SLC4A7: variants seen among roughly 807,000 people sequenced by gnomAD.
The protein encoded by SLC4A7 is sodium bicarbonate cotransporter 3.
A neutral mutation model predicts 137.6 loss-of-function variants in SLC4A7; 51 were observed. The ratio of observed to expected loss-of-function variants is 0.37; its 90% CI spans 0.30 to 0.47. The LOEUF is 0.47. Among genes scored for constraint, SLC4A7 ranks in the 20% least tolerant of loss-of-function variants. The pLI, the probability that SLC4A7 is intolerant of heterozygous loss-of-function variation, is 1.00. For missense variants in SLC4A7, 1,247 were observed against 1,525.4 expected, an observed-to-expected ratio of 0.82 and a Z score of 3.04; for synonymous variants, 542 against 518.6, an observed-to-expected ratio of 1.05 and a Z score of -0.61.
intron 1 of SLC4A7, among the ~76,000 whole-genome samples, chr3:27,479,635 T>C (rs1469974166): frequency 1.3e-5 from 2 of 152,152 alleles, no homozygotes; most frequent in Non-Finnish European, 2.9e-5. Flanking sequence ...ACCATTATAA[T>C]TGCAAATAGT....
At chr3:27,378,664 A>G (rs1402031097) in intron 25 of SLC4A7, among the ~76,000 whole-genome samples, 3 of 152,220 alleles carry the variant, frequency 2.0e-5, no homozygotes, top group Admixed American at 6.5e-5. Flanking sequence ...TTTCTTCCAA[A>G]TATCTCCAAG....
In SLC4A7 at chr3:27,397,704, G is replaced by A. The variant is rs777091658; in HGVS notation, c.2683C>T (p.His895Tyr). 3.8e-6 allele frequency: 6 copies of A among 1,595,688 alleles called. No homozygotes were observed. The East Asian group carries it at 9.0e-5, about 24-fold the overall frequency. ...YLVGVPSPKL[H>Y]VPEKFEPTHP... ...CTTACCTCAAATTTTTCAGGAACATGAAGTTTAGGAGATGGAACTCCTACA... is the reference window on the plus strand; with the variant it reads ...CTTACCTCAAATTTTTCAGGAACATAAAGTTTAGGAGATGGAACTCCTACA... The change falls in exon 18 of 26, where the codon CAT (histidine) becomes TAT (tyrosine). Residue 895 changes from histidine to tyrosine, a missense_variant. By Grantham distance (83) the His-to-Tyr change is moderately conservative. Transcript: ENST00000454389.
chr3:27,473,194 G>A (rs950914771), intron 1 of SLC4A7, among the ~76,000 whole-genome samples: 2 of 152,054 alleles, frequency 1.3e-5, no homozygotes, highest in Admixed American at 6.6e-5. Flanking sequence ...AGCTACTTAG[G>A]TGGCTGAGGC....
intron 10 of SLC4A7, among the ~76,000 whole-genome samples, chr3:27,420,195 A>C (rs1372973827): frequency 6.6e-6 from 1 of 151,954 alleles, no homozygotes; most frequent in Non-Finnish European, 1.5e-5. Flanking sequence ...GAAAAAGAAA[A>C]AGAAAAATTA....
chr3:27,453,976 G>A (rs1194714100), intron 1 of SLC4A7, among the ~76,000 whole-genome samples: 2 of 152,044 alleles, frequency 1.3e-5, no homozygotes, highest in African/African-American at 4.8e-5. Context: ...TAAAGGAGTG[G>A]GAGCAGGCCA....
At chr3:27,412,270 T>G (rs1046100403) in intron 11 of SLC4A7, among the ~76,000 whole-genome samples, 1 of 152,200 alleles carries the variant, frequency 6.6e-6, no homozygotes, top group Admixed American at 6.5e-5. Flanking sequence ...AAGAGTACTA[T>G]TCACATGATA....
chr3:27,483,656 G>T (rs1021753897), intron 1 of SLC4A7, among the ~76,000 whole-genome samples: 2 of 152,200 alleles, frequency 1.3e-5, no homozygotes, highest in Admixed American at 1.3e-4. Flanking sequence ...ATAGGTTTTC[G>T]AGGGCTAATC....
At chr3:27,445,586 G>A (rs2150486845) in intron 3 of SLC4A7, among the ~76,000 whole-genome samples, 1 of 151,884 alleles carries the variant, frequency 6.6e-6, no homozygotes, top group Non-Finnish European at 1.5e-5. Context: ...AATGAATTCT[G>A]GGGAACTAAT....
intron 22 of SLC4A7, 48 bp from the exon 23 acceptor site, chr3:27,386,071 G>A: frequency 6.3e-6 from 9 of 1,423,452 alleles, no homozygotes; most frequent in Non-Finnish European, 8.6e-6. Flanking sequence ...AATACAAACT[G>A]TATCACTTAA....
rs145152883 is a variant in SLC4A7 at position 27,457,817 on chromosome 3, A to G, written c.61-5319T>C. Among the ~76,000 whole-genome samples the G allele has an allele frequency of 2.3e-4, 35 of 152,298 alleles. No homozygotes were observed. The East Asian group carries it at 6.4e-3, about 28-fold the overall frequency. On this transcript the variant is annotated intron_variant, in intron 1 of 25. Transcript: ENST00000454389. The stretch of plus-strand genomic sequence containing the variant: ...TAAGTCCAAGTATTGAGAAACTGTC[A>G]AAGTCAGGTTAGCAGATGCAAGTTT...
intron 2 of SLC4A7, among the ~76,000 whole-genome samples, chr3:27,449,724 T>C (rs2057934352): frequency 1.3e-5 from 2 of 152,232 alleles, no homozygotes; most frequent in South Asian, 2.1e-4. Flanking sequence ...CTATGTCAAA[T>C]ATCAAATGAG....
At chr3:27,413,747 C>G (rs1442163036) in intron 11 of SLC4A7, among the ~76,000 whole-genome samples, 1 of 152,112 alleles carries the variant, frequency 6.6e-6, no homozygotes, top group East Asian at 1.9e-4. Flanking sequence ...ATGTCATTAT[C>G]TTACTTAATG....
At chr3:27,476,160 T>G (rs755036615) in intron 1 of SLC4A7, among the ~76,000 whole-genome samples, 4 of 152,180 alleles carry the variant, frequency 2.6e-5, no homozygotes, top group Non-Finnish European at 5.9e-5. Context: ...ATACCCAGTT[T>G]TCCAACAATC....
At chr3:27,411,280 T>A (rs544185995) in intron 12 of SLC4A7, among the ~76,000 whole-genome samples, 1 of 152,198 alleles carries the variant, frequency 6.6e-6, no homozygotes, top group South Asian at 2.1e-4. Context: ...TTATTAGTTG[T>A]AATTACTCTC....
chr3:27,461,230 A>G (rs2150623204), intron 1 of SLC4A7, among the ~76,000 whole-genome samples: 1 of 151,862 alleles, frequency 6.6e-6, no homozygotes, highest in East Asian at 1.9e-4. Flanking sequence ...ACACACACAC[A>G]CACACAAAAC....
chr3:27,383,947 G>GTT (rs1165103070), intron 23 of SLC4A7, among the ~76,000 whole-genome samples: 1 of 152,100 alleles, frequency 6.6e-6, no homozygotes, highest in African/African-American at 2.4e-5. Context: ...TTTAGCAAAT[G>GTT]TTTATAGAAC....
At chr3:27,403,785 T>C (rs2053044915) in intron 14 of SLC4A7, among the ~76,000 whole-genome samples, 2 of 152,146 alleles carry the variant, frequency 1.3e-5, no homozygotes, top group African/African-American at 4.8e-5. Context: ...AGACATCATA[T>C]GTATCAATAC....
intron 3 of SLC4A7, among the ~76,000 whole-genome samples, chr3:27,445,166 G>C (rs1043116360): frequency 6.6e-6 from 1 of 152,186 alleles, no homozygotes; most frequent in African/African-American, 2.4e-5. Flanking sequence ...ACTGTTTTCT[G>C]GTAGTTTTTC....
At chr3:27,425,762 T>C (rs1458818832) in intron 7 of SLC4A7, among the ~76,000 whole-genome samples, 1 of 151,956 alleles carries the variant, frequency 6.6e-6, no homozygotes, top group Non-Finnish European at 1.5e-5. Context: ...CAATTTCCTT[T>C]GCTCCAACCT....
Sources: allele counts gnomAD v4.1 joint callset (sites outside exome capture counted in the v4.1 genomes callset), GRCh38; gene constraint gnomAD v4.1.1; transcripts MANE v1.5; gene names NCBI Gene and HGNC (gene_info 2026-07-23, HGNC 2026-07-21).